ADGRB3: variants seen among roughly 807,000 people sequenced by gnomAD.
ADGRB3 encodes the protein brain-specific angiogenesis inhibitor 3.
ADGRB3 carries 37 observed loss-of-function variants against 193.4 expected under a neutral mutation model. The ratio of observed to expected loss-of-function variants is 0.19; its 90% confidence interval spans 0.15 to 0.25. ADGRB3 has a LOEUF of 0.25. ADGRB3 is among the 10% of genes least tolerant of loss of function. The pLI is 1.00. For missense variants in ADGRB3, 1,637 were observed against 1,852.9 expected, an observed-to-expected ratio of 0.88 and a Z score of 2.14; for synonymous variants, 690 against 644.2, an observed-to-expected ratio of 1.07 and a Z score of -1.08.
At chr6:68,970,720 T>G (rs1173251964) in intron 8 of ADGRB3, among the ~76,000 whole-genome samples, 1 of 152,226 alleles carries the variant, frequency 6.6e-6, no homozygotes, top group Non-Finnish European at 1.5e-5. Flanking sequence ...TAGCACATGT[T>G]AGTGCTAGCA....
intron 3 of ADGRB3, among the ~76,000 whole-genome samples, chr6:68,802,857 A>G (rs1186910252): frequency 6.6e-6 from 1 of 152,158 alleles, no homozygotes; most frequent in Non-Finnish European, 1.5e-5. Context: ...AAACATTCCA[A>G]TTAATTCAAT....
At chr6:68,986,967 A>C (rs1769094710) in intron 10 of ADGRB3, among the ~76,000 whole-genome samples, 1 of 152,102 alleles carries the variant, frequency 6.6e-6, no homozygotes, top group Non-Finnish European at 1.5e-5. Flanking sequence ...CCCTCTCCAC[A>C]TCTCTCTATA....
At chr6:68,639,562 C>A in intron 3 of ADGRB3, 130 bp downstream of exon 3, 1 of 1,259,436 alleles carries the variant, frequency 7.9e-7, no homozygotes, top group Non-Finnish European at 1.1e-6. Context: ...TTGATTTGTG[C>A]TATTCACTGA....
At chr6:69,102,904 C>A (rs1249230733) in intron 17 of ADGRB3, among the ~76,000 whole-genome samples, 1 of 152,078 alleles carries the variant, frequency 6.6e-6, no homozygotes, top group Non-Finnish European at 1.5e-5. Context: ...TAGAGTTATT[C>A]TAATTTTGTT....
At chr6:68,720,100 A>G (rs1765551160) in intron 3 of ADGRB3, among the ~76,000 whole-genome samples, 1 of 151,828 alleles carries the variant, frequency 6.6e-6, no homozygotes, top group Non-Finnish European at 1.5e-5. Flanking sequence ...TGGAAAGTGC[A>G]AAATCAAGGA....
chr6:68,664,546 A>G (rs1361250449), intron 3 of ADGRB3, among the ~76,000 whole-genome samples: 1 of 151,858 alleles, frequency 6.6e-6, no homozygotes, highest in African/African-American at 2.4e-5. Flanking sequence ...TATGCTGACA[A>G]CCTGATCTCA....
chr6:69,353,446 A>G lies in ADGRB3; in HGVS notation c.3460-787A>G, dbSNP rs554539566. Among the ~76,000 whole-genome samples the G allele has an allele frequency of 8.5e-5, 13 of 152,330 alleles. No homozygotes were observed. The East Asian group carries it at 2.5e-3, about 29-fold the overall frequency. On this transcript the variant is annotated intron_variant, in intron 26 of 31. Transcript: ENST00000370598. ...CTTGAAGGGAGACAAGAGATAGTCT[A>G]CTCAAAGATTTCTTACATGAGACAT... is the stretch of plus-strand genomic sequence containing the variant.
intron 17 of ADGRB3, among the ~76,000 whole-genome samples, chr6:69,152,071 T>A (rs1774695798): frequency 6.6e-6 from 1 of 152,178 alleles, no homozygotes; most frequent in Non-Finnish European, 1.5e-5. Flanking sequence ...GAACTGTGAG[T>A]CAATTAAACC....
chr6:68,771,509 G>A (rs1480364774), intron 3 of ADGRB3, among the ~76,000 whole-genome samples: 1 of 151,816 alleles, frequency 6.6e-6, no homozygotes, highest in African/African-American at 2.4e-5. Flanking sequence ...CCCTTTTAAA[G>A]ACAATAGTCA....
intron 3 of ADGRB3, among the ~76,000 whole-genome samples, chr6:68,808,834 A>C (rs1339760823): frequency 6.6e-6 from 1 of 152,174 alleles, no homozygotes; most frequent in Non-Finnish European, 1.5e-5. Flanking sequence ...TTATCAGAAA[A>C]GTATCTACCA....
intron 3 of ADGRB3, among the ~76,000 whole-genome samples, chr6:68,765,571 CA>C (rs1402963709): frequency 4.0e-5 from 6 of 151,646 alleles, no homozygotes; most frequent in African/African-American, 1.2e-4. Flanking sequence ...CACACACACA[CA>C]CACACCTGGA....
intron 3 of ADGRB3, among the ~76,000 whole-genome samples, chr6:68,785,162 T>G (rs530507546): frequency 6.6e-6 from 1 of 152,276 alleles, no homozygotes; most frequent in African/African-American, 2.4e-5. Flanking sequence ...TTTAAAATTT[T>G]ATTATTATTG....
intron 3 of ADGRB3, among the ~76,000 whole-genome samples, chr6:68,898,285 CTG>C (rs1766297051): frequency 6.6e-6 from 1 of 152,022 alleles, no homozygotes; most frequent in South Asian, 2.1e-4. Flanking sequence ...CTCCAGAAGA[CTG>C]TAAATCTGCT....
chr6:68,784,452 A>G (rs937283132), intron 3 of ADGRB3, among the ~76,000 whole-genome samples: 1 of 152,150 alleles, frequency 6.6e-6, no homozygotes, highest in African/African-American at 2.4e-5. Context: ...ACTGCTATAT[A>G]ATTCCTATTC....
At chr6:69,010,981 T>C (rs1450727749) in intron 11 of ADGRB3, among the ~76,000 whole-genome samples, 2 of 151,970 alleles carry the variant, frequency 1.3e-5, no homozygotes, top group African/African-American at 4.8e-5. Flanking sequence ...CTTCATACTT[T>C]GAAAAATTCA....
chr6:68,903,067 T>C (rs1263833822), intron 3 of ADGRB3, among the ~76,000 whole-genome samples: 1 of 152,162 alleles, frequency 6.6e-6, no homozygotes, highest in African/African-American at 2.4e-5. Context: ...AGGACAAAGT[T>C]TAATAAACTA....
chr6:68,805,404 C>A (rs111962596), intron 3 of ADGRB3, among the ~76,000 whole-genome samples: 9 of 152,312 alleles, frequency 5.9e-5, no homozygotes, highest in African/African-American at 2.2e-4. Flanking sequence ...TTACTCTTCT[C>A]AGTCTATTTT....
chr6:69,361,631 C>T (rs1769454507), intron 29 of ADGRB3, 119 bp downstream of exon 29: 1 of 1,229,994 alleles, frequency 8.1e-7, no homozygotes, highest in Admixed American at 2.7e-5. Context: ...AGAAGATTCA[C>T]ATTAGCTTTT....
chr6:68,782,081 A>G (rs1190265762), intron 3 of ADGRB3, among the ~76,000 whole-genome samples: 2 of 148,862 alleles, frequency 1.3e-5, no homozygotes, highest in African/African-American at 4.9e-5. Context: ...TTAACTCGTC[A>G]TTTAGCATTA....
Sources: allele counts gnomAD v4.1 joint callset (sites outside exome capture counted in the v4.1 genomes callset), GRCh38; gene constraint gnomAD v4.1.1; transcripts MANE v1.5; gene names NCBI Gene and HGNC (gene_info 2026-07-23, HGNC 2026-07-21).